Variants in TESMIN observed in about 807,000 individuals in gnomAD.
TESMIN encodes CXC domain containing 2.
Under a neutral mutation model 47.4 loss-of-function variants are expected in TESMIN, and 34 were observed. The observed-to-expected ratio is 0.72, with a 90% CI of 0.55 to 0.96. The LOEUF is 0.96. TESMIN is among the 40% of genes least tolerant of loss of function. The pLI is 0.00. For missense variants in TESMIN, 610 were observed against 637.2 expected, an observed-to-expected ratio of 0.96 and a Z score of 0.46; for synonymous variants, 278 against 258.9, an observed-to-expected ratio of 1.07 and a Z score of -0.71.
rs1946011817 is a variant in TESMIN, at chr11:68,707,645, C to A, written c.*663G>T. On this transcript the variant is annotated 3_prime_UTR_variant, in exon 10 of 10. Coordinates refer to ENST00000255087, the MANE Select transcript of TESMIN (RefSeq NM_004923.3). ...AATTCAAGTAGAAACACAGAAGAAA[C>A]TGGATAATTTTAAGTCCTCTAACTC... The A allele has an allele frequency of 7.7e-6, 2 of 259,618 alleles. No individual in the cohort carries two copies. The highest frequency in any genetic ancestry group is 1.6e-4 in the East Asian group (2 of 12,482). 16.1% of individuals were successfully genotyped at this position (259,618 alleles called of 1,614,324 possible).
chr11:68,742,217 G>C (rs1348702186), intron 5 of TESMIN, 101 bp downstream of exon 5: 12 of 760,548 alleles, frequency 1.6e-5, no homozygotes, highest in Non-Finnish European at 2.5e-5. Context: ...CTTTTAAATG[G>C]AAAATAAATT....
At chr11:68,746,821 T>C (rs1379580292) in intron 3 of TESMIN, among the ~76,000 whole-genome samples, 1 of 152,180 alleles carries the variant, frequency 6.6e-6, no homozygotes, top group Non-Finnish European at 1.5e-5. Flanking sequence ...GCGTTACCTG[T>C]TATCATGAGA....
At chr11:68,728,597 A>G (rs1463014846) in intron 6 of TESMIN, among the ~76,000 whole-genome samples, 3 of 152,316 alleles carry the variant, frequency 2.0e-5, no homozygotes, top group South Asian at 2.1e-4. Flanking sequence ...GCAGCCTTCT[A>G]CTAGAAGAAG....
intron 9 of TESMIN, 43 bp downstream of exon 9, chr11:68,710,831 C>T (rs756495192): frequency 6.5e-7 from 1 of 1,530,534 alleles, no homozygotes; most frequent in South Asian, 1.2e-5. Context: ...CTCAAATTAA[C>T]CTCTGTTCCC....
chr11:68,727,137 G>A (rs1004840822), intron 6 of TESMIN, among the ~76,000 whole-genome samples: 3 of 151,558 alleles, frequency 2.0e-5, no homozygotes, highest in African/African-American at 7.3e-5. Flanking sequence ...ATATGAAAGG[G>A]CTAATTAAAA....
intron 6 of TESMIN, chr11:68,737,724 C>T: frequency 1.1e-6 from 1 of 934,028 alleles, no homozygotes; most frequent in Non-Finnish European, 1.3e-6. Context: ...CCAGCCTGGC[C>T]AACATGGTAA....
downstream of TESMIN, among the ~76,000 whole-genome samples, chr11:68,705,642 A>T (rs1387729759): frequency 1.3e-5 from 2 of 152,114 alleles, no homozygotes; most frequent in African/African-American, 4.8e-5. Context: ...TTTCTTTCGG[A>T]TAAACAAAAC....
chr11:68,730,136 G>T, intron 6 of TESMIN, among the ~76,000 whole-genome samples: 1 of 152,160 alleles, frequency 6.6e-6, no homozygotes, highest in East Asian at 1.9e-4. Flanking sequence ...TTAAATTAAG[G>T]TATGTACTTT....
chr11:68,708,665 A>G (rs963310262), intron 9 of TESMIN, among the ~76,000 whole-genome samples, 165 bp from the exon 10 acceptor site: 2 of 152,208 alleles, frequency 1.3e-5, no homozygotes, highest in African/African-American at 4.8e-5. Flanking sequence ...GGCTGGGCAC[A>G]GTGGTCTGTA....
intron 6 of TESMIN, among the ~76,000 whole-genome samples, chr11:68,724,571 G>A (rs1308856274): frequency 5.3e-5 from 8 of 152,214 alleles, no homozygotes; most frequent in Non-Finnish European, 1.2e-4. Flanking sequence ...GCTATCAGTG[G>A]AAGTGATTAT....
intron 6 of TESMIN, among the ~76,000 whole-genome samples, chr11:68,732,328 A>G (rs1946337771): frequency 6.6e-6 from 1 of 152,218 alleles, no homozygotes; most frequent in Non-Finnish European, 1.5e-5. Context: ...TTGGCCTTCC[A>G]TTCTGACGTA....
downstream of TESMIN, among the ~76,000 whole-genome samples, chr11:68,706,273 T>C (rs540382691): frequency 3.5e-4 from 53 of 152,320 alleles, no homozygotes; most frequent in African/African-American, 1.1e-3. Flanking sequence ...ACCTACTCAG[T>C]GAATTCTTCT....
chr11:68,707,954 T>G lies in TESMIN; in HGVS notation c.*354A>C. The G allele has an allele frequency of 4.4e-6, 2 of 457,742 alleles. No homozygotes were observed. The highest frequency in any genetic ancestry group is 1.7e-5 in the South Asian group (1 of 60,576). 28.4% of individuals were successfully genotyped at this position (457,742 alleles called of 1,614,324 possible). On this transcript the variant is annotated 3_prime_UTR_variant, in exon 10 of 10. Transcript: ENST00000255087. ...AGAGGAAGAGTCGACCAGAGTGAGC[T>G]CTCCGCAGGGCCTGCTCTGCCCTCC...
intron 7 of TESMIN, among the ~76,000 whole-genome samples, chr11:68,713,953 A>G (rs542203906): frequency 6.6e-6 from 1 of 152,222 alleles, no homozygotes; most frequent in Admixed American, 6.5e-5. Context: ...ATCCTGATTC[A>G]AAGTCCCTGT....
chr11:68,724,326 T>C (rs1043896219), intron 6 of TESMIN, among the ~76,000 whole-genome samples: 3 of 152,212 alleles, frequency 2.0e-5, no homozygotes, highest in South Asian at 2.1e-4. Flanking sequence ...TCCTTTATTA[T>C]AATTCCGATA....
At chr11:68,728,483 C>T (rs1946290970) in intron 6 of TESMIN, among the ~76,000 whole-genome samples, 1 of 152,222 alleles carries the variant, frequency 6.6e-6, no homozygotes, top group Non-Finnish European at 1.5e-5. Context: ...CAAGGTGAAG[C>T]AGCAAGTTCT....
rs1317655807 is a variant in TESMIN at position 68,730,815 on chromosome 11, T to A, written c.917+7885A>T. On this transcript the variant is annotated intron_variant, in intron 6 of 9. Coordinates refer to ENST00000255087, the MANE Select transcript of TESMIN (RefSeq NM_004923.3). ...TTGTCTCAAAAAAAAAAAAAAAAAATTTAAAATCCATCAGTAAGTTTCCAA... is the reference window on the plus strand; with the variant it reads ...TTGTCTCAAAAAAAAAAAAAAAAAAATTAAAATCCATCAGTAAGTTTCCAA... Among the ~76,000 whole-genome samples the A allele has an allele frequency of 5.3e-5, 8 of 150,122 alleles. No individual in the cohort carries two copies. The East Asian group carries it at 5.9e-4, about 11-fold the overall frequency.
In TESMIN at chr11:68,707,726, G is replaced by A. The variant is rs1016322919; in HGVS notation, c.*582C>T. 2 of 427,208 alleles carry A rather than the reference G, an allele frequency of 4.7e-6. No individual in the cohort carries two copies. Among genetic ancestry groups the A allele is most frequent in the African/African-American group, 2.0e-5 (1 of 49,290 alleles). The allele number at this position is 427,208 out of a possible 1,614,324, so 26.5% of individuals were successfully genotyped here. ...GGCCCCATTGCCTGCGTCTCCCGGG[G>A]GCCTTAGGAAAGACTGACAGTTCGC... On this transcript the variant is annotated 3_prime_UTR_variant, in exon 10 of 10. Transcript: ENST00000255087.
chr11:68,735,318 G>A (rs908261371), intron 6 of TESMIN, among the ~76,000 whole-genome samples: 33 of 152,180 alleles, frequency 2.2e-4, no homozygotes, highest in African/African-American at 7.0e-4. Context: ...AGGGTGGCCC[G>A]GCACTTCCTG....
Sources: allele counts gnomAD v4.1 joint callset (sites outside exome capture counted in the v4.1 genomes callset), GRCh38; gene constraint gnomAD v4.1.1; transcripts MANE v1.5; gene names NCBI Gene and HGNC (gene_info 2026-07-23, HGNC 2026-07-21).